Variants in TUSC3 observed in about 807,000 individuals in gnomAD.
The protein encoded by TUSC3 is dolichyl-diphosphooligosaccharide--protein glycosyltransferase subunit TUSC3.
A neutral mutation model predicts 44.8 loss-of-function variants in TUSC3; 45 were observed. The ratio of observed to expected loss-of-function variants is 1.00; its 90% CI spans 0.79 to 1.29. The LOEUF (loss-of-function observed/expected upper bound fraction) is 1.29, where lower values mean the gene tolerates loss of function less well. Among genes scored for constraint, TUSC3 ranks in the 50% most tolerant of loss-of-function variants. The pLI, the probability that TUSC3 is intolerant of heterozygous loss-of-function variation, is 0.00. For synonymous variants in TUSC3, 212 were observed against 152.9 expected (o/e 1.39, Z -2.85); for missense variants, 519 against 437.9 (o/e 1.19, Z -1.65).
At chr8:15,470,281 G>C (rs1298075459) in intron 1 of TUSC3, among the ~76,000 whole-genome samples, 1 of 149,490 alleles carries the variant, frequency 6.7e-6, no homozygotes, top group African/African-American at 2.5e-5. Context: ...AAAAAGCATT[G>C]GTTGCCAAGG....
intron 6 of TUSC3, among the ~76,000 whole-genome samples, chr8:15,729,047 T>C (rs896129115): frequency 1.3e-5 from 2 of 152,132 alleles, no homozygotes; most frequent in African/African-American, 4.8e-5. Flanking sequence ...GAGAAGATAC[T>C]GTTACTGAAA....
At chr8:15,554,582 C>G (rs866491352) in intron 1 of TUSC3, among the ~76,000 whole-genome samples, 1 of 145,204 alleles carries the variant, frequency 6.9e-6, no homozygotes, top group South Asian at 2.3e-4. Flanking sequence ...GGACTGTTGA[C>G]TTTTGCATTT....
chr8:15,749,444 A>C (rs1811594113), intron 9 of TUSC3, among the ~76,000 whole-genome samples: 1 of 151,844 alleles, frequency 6.6e-6, no homozygotes, highest in Non-Finnish European at 1.5e-5. Context: ...CACCCCCTCT[A>C]TTTTCATATG....
rs1173205319 is a variant in TUSC3 at position 15,764,333 on chromosome 8, CT to C, written c.*184del. On this transcript the variant is annotated 3_prime_UTR_variant, in exon 11 of 11. Coordinates refer to ENST00000503731, the MANE Select transcript of TUSC3 (RefSeq NM_006765.4). Reference sequence around the variant, plus strand: ...TGATCAGCTAGCTTATTCTTGTGTACTTTTTTTAAACTGTGGGTTTTCCTAG... The same window carrying C: ...TGATCAGCTAGCTTATTCTTGTGTACTTTTTTAAACTGTGGGTTTTCCTAG... 14 of 1,159,704 alleles carry C rather than the reference CT, an allele frequency of 1.2e-5. No homozygotes were observed. The highest frequency in any genetic ancestry group is 2.2e-5 in the Admixed American group (1 of 44,586). 71.8% of individuals were successfully genotyped at this position (1,159,704 alleles called of 1,614,324 possible).
the TUSC3 span, among the ~76,000 whole-genome samples, chr8:15,785,769 A>G: frequency 1.4e-4 from 21 of 152,096 alleles, no homozygotes; most frequent in African/African-American, 4.8e-4. Flanking sequence ...GATGCCTAAC[A>G]TATCACGAAG....
intron 1 of TUSC3, among the ~76,000 whole-genome samples, chr8:15,443,452 G>C (rs28893803): frequency 3.3e-5 from 5 of 151,520 alleles, no homozygotes; most frequent in African/African-American, 7.3e-5. Context: ...GCCTGCCTCA[G>C]CTTCCCAAAG....
rs150368776 is a variant in TUSC3 at position 15,563,685 on chromosome 8, C to CAAAAAAAA, written c.138+23130_138+23137dup. ...TGAGTGACAGAGTGAGCCTCCATCT[C>CAAAAAAAA]AAAAAAAAAAAAAAAAAAAAGAACA... On this transcript the variant is annotated intron_variant, in intron 1 of 10. Transcript: ENST00000503731. 3.0e-3 allele frequency among the ~76,000 whole-genome samples: 237 copies of CAAAAAAAA among 79,926 alleles called. 13 individuals are homozygous for CAAAAAAAA. The highest frequency in any genetic ancestry group is 8.5e-3 in the African/African-American group (155 of 18,246). 52.4% of individuals were successfully genotyped at this position (79,926 alleles called of 152,430 possible). A position where few individuals can be genotyped will look rare whatever the true frequency, so the allele number is the denominator to read the frequency against.
chr8:15,458,004 T>C (rs897526394), intron 1 of TUSC3, among the ~76,000 whole-genome samples: 1 of 151,858 alleles, frequency 6.6e-6, no homozygotes, highest in Admixed American at 6.6e-5. Context: ...ATAATGTACT[T>C]TGTATAAAGT....
At chr8:15,668,165 T>C (rs1807762422) in intron 5 of TUSC3, among the ~76,000 whole-genome samples, 1 of 151,764 alleles carries the variant, frequency 6.6e-6, no homozygotes, top group Non-Finnish European at 1.5e-5. Context: ...GTGCCTGGCA[T>C]GTAGAAAGTG....
chr8:15,555,899 G>C (rs913803668), intron 1 of TUSC3, among the ~76,000 whole-genome samples: 1 of 151,392 alleles, frequency 6.6e-6, no homozygotes, highest in Admixed American at 6.6e-5. Flanking sequence ...ATAATTTATA[G>C]TTCTCTGATA....
At chr8:15,839,780 G>C in the TUSC3 span, among the ~76,000 whole-genome samples, 1 of 152,148 alleles carries the variant, frequency 6.6e-6, no homozygotes. Flanking sequence ...CTGTTGGTAG[G>C]AATGTAAACT....
intron 5 of TUSC3, among the ~76,000 whole-genome samples, chr8:15,668,118 T>C (rs899681695): frequency 7.9e-5 from 12 of 151,778 alleles, no homozygotes; most frequent in Non-Finnish European, 1.6e-4. Context: ...GAAGGATTGG[T>C]ATCTGTTTTG....
chr8:15,479,746 G>C (rs1168428716), intron 1 of TUSC3, among the ~76,000 whole-genome samples: 3 of 152,054 alleles, frequency 2.0e-5, no homozygotes, highest in Non-Finnish European at 4.4e-5. Flanking sequence ...TTTTGCTTAG[G>C]ATCATCTTGG....
the TUSC3 span, among the ~76,000 whole-genome samples, chr8:15,774,486 C>T: frequency 8.2e-3 from 1,247 of 152,204 alleles, 10 homozygotes; most frequent in Non-Finnish European, 0.013. Context: ...GCCAGCAAAC[C>T]AATAGCTAGG....
chr8:15,465,529 T>C (rs1495080), intron 1 of TUSC3, among the ~76,000 whole-genome samples: 2,708 of 152,290 alleles, frequency 0.018, 90 homozygotes, highest in African/African-American at 0.062. Flanking sequence ...ATTTGAGATG[T>C]TAAAATGCTT....
chr8:15,588,471 A>G (rs896138829), intron 1 of TUSC3, among the ~76,000 whole-genome samples: 2 of 152,046 alleles, frequency 1.3e-5, no homozygotes, highest in African/African-American at 4.8e-5. Context: ...TCCTTGTTGG[A>G]TGAATAGTTT....
intron 2 of TUSC3, among the ~76,000 whole-genome samples, chr8:15,643,489 C>T (rs1806481121): frequency 6.6e-6 from 1 of 151,374 alleles, no homozygotes; most frequent in Non-Finnish European, 1.5e-5. Context: ...GTATACACTT[C>T]AACATATTTT....
At chr8:15,817,559 T>A in the TUSC3 span, among the ~76,000 whole-genome samples, 1 of 152,104 alleles carries the variant, frequency 6.6e-6, no homozygotes, top group East Asian at 1.9e-4. Flanking sequence ...CCCGTGACAG[T>A]GAGTTCTCAT....
intron 8 of TUSC3, among the ~76,000 whole-genome samples, chr8:15,744,301 A>G (rs1434992402): frequency 2.0e-5 from 3 of 152,170 alleles, no homozygotes; most frequent in African/African-American, 7.2e-5. Flanking sequence ...GTTTTCTAGC[A>G]AAAAGAGAAG....
Sources: gnomAD v4.1 joint callset for allele counts (sites outside exome capture counted in the v4.1 genomes callset) on GRCh38, gnomAD v4.1.1 for gene constraint, MANE v1.5 for transcripts, NCBI Gene and HGNC (gene_info 2026-07-23, HGNC 2026-07-21) for gene names.